The following SYT14 variants were observed in gnomAD, a reference collection of about 807,000 sequenced individuals.
SYT14 encodes synaptotagmin-14.
A neutral mutation model predicts 74.2 loss-of-function variants in SYT14; 32 were observed. The ratio of observed to expected loss-of-function variants is 0.43; its 90% CI spans 0.33 to 0.58. SYT14 has a LOEUF of 0.58. Among genes scored for constraint, SYT14 ranks in the 20% least tolerant of loss-of-function variants. SYT14 has a pLI of 0.05. For missense variants in SYT14, 791 were observed against 981.8 expected, an observed-to-expected ratio of 0.81 and a Z score of 2.60; for synonymous variants, 298 against 337.7, an observed-to-expected ratio of 0.88 and a Z score of 1.29.
intron 7 of SYT14, among the ~76,000 whole-genome samples, chr1:210,116,958 T>C (rs2102598517): frequency 6.6e-6 from 1 of 152,296 alleles, no homozygotes; most frequent in East Asian, 1.9e-4. Flanking sequence ...TTTTATAACC[T>C]GGAATGCAAT....
intron 7 of SYT14, among the ~76,000 whole-genome samples, chr1:210,136,929 C>A (rs879444662): frequency 1.3e-5 from 2 of 152,000 alleles, no homozygotes; most frequent in African/African-American, 4.8e-5. Flanking sequence ...AATCTGTGAG[C>A]CAGGTGGAAT....
intron 2 of SYT14, among the ~76,000 whole-genome samples, chr1:209,974,002 A>G (rs1309944333): frequency 6.6e-6 from 1 of 151,148 alleles, no homozygotes; most frequent in Non-Finnish European, 1.5e-5. Flanking sequence ...GGCTGCATAA[A>G]TGTCTTCTTT....
intron 5 of SYT14, among the ~76,000 whole-genome samples, chr1:210,050,692 G>A (rs227174): frequency 0.34 from 52,150 of 152,048 alleles, 9,915 homozygotes; most frequent in Non-Finnish European, 0.42. Context: ...TGAAAGGCAC[G>A]TCTCACATGG....
At chr1:210,160,831 C>G in exon 10 of SYT14, 1 of 1,614,026 alleles carries the variant, frequency 6.2e-7, no homozygotes, top group Non-Finnish European at 8.5e-7. Context: ...TATAAGGAAA[C>G]TTTTGTCTTT....
At chr1:210,106,320 C>T (rs1204992662) in intron 7 of SYT14, among the ~76,000 whole-genome samples, 1 of 152,208 alleles carries the variant, frequency 6.6e-6, no homozygotes, top group Non-Finnish European at 1.5e-5. Flanking sequence ...AATAGTCCCT[C>T]AGAGTTGTCC....
intron 2 of SYT14, among the ~76,000 whole-genome samples, chr1:209,986,096 AG>A (rs2079565503): frequency 1.3e-5 from 2 of 152,180 alleles, no homozygotes; most frequent in African/African-American, 4.8e-5. Context: ...AAATTTCTCT[AG>A]GAAGTGGTTG....
At chr1:210,055,691 C>T (rs1435185062) in intron 5 of SYT14, among the ~76,000 whole-genome samples, 9 of 150,380 alleles carry the variant, frequency 6.0e-5, no homozygotes, top group Non-Finnish European at 1.0e-4. Flanking sequence ...GGTATGGTGG[C>T]GTGCTTGGGA....
intron 2 of SYT14, among the ~76,000 whole-genome samples, chr1:209,955,904 A>C (rs957536169): frequency 2.6e-5 from 4 of 152,196 alleles, no homozygotes; most frequent in African/African-American, 9.6e-5. Flanking sequence ...GCATTTCTTC[A>C]AATCTCATTT....
intron 2 of SYT14, among the ~76,000 whole-genome samples, chr1:209,958,068 T>A (rs1428841647): frequency 1.3e-5 from 2 of 152,048 alleles, no homozygotes; most frequent in Admixed American, 6.6e-5. Context: ...ATATTTATGT[T>A]ATTAATCCAT....
chr1:210,039,648 T>C (rs1257372250), intron 5 of SYT14, among the ~76,000 whole-genome samples: 2 of 152,172 alleles, frequency 1.3e-5, no homozygotes, highest in African/African-American at 4.8e-5. Context: ...GACAAAGGAC[T>C]AATATCCAGA....
At chr1:210,018,678 A>G (rs2080237942) in intron 4 of SYT14, among the ~76,000 whole-genome samples, 1 of 152,220 alleles carries the variant, frequency 6.6e-6, no homozygotes, top group Non-Finnish European at 1.5e-5. Flanking sequence ...GAAACCAAAT[A>G]TTTCTAACAT....
intron 5 of SYT14, among the ~76,000 whole-genome samples, chr1:210,072,882 A>C (rs2081420033): frequency 6.6e-6 from 1 of 151,984 alleles, no homozygotes; most frequent in South Asian, 2.1e-4. Flanking sequence ...TAAATTAGCA[A>C]AACAGGATTC....
chr1:209,958,959 G>A (rs1347514946), intron 2 of SYT14, among the ~76,000 whole-genome samples: 1 of 151,998 alleles, frequency 6.6e-6, no homozygotes, highest in African/African-American at 2.4e-5. Context: ...CCCATCTATT[G>A]CTGGGAATGT....
At chr1:210,165,963 A>G (rs2083451193) in exon 10 of SYT14, 1 of 152,220 alleles carries the variant, frequency 6.6e-6, no homozygotes. Context: ...CAGAGATAAT[A>G]AATTGGTCGA....
At chr1:210,077,083 A>C (rs756413719) in intron 5 of SYT14, among the ~76,000 whole-genome samples, 22 of 152,074 alleles carry the variant, frequency 1.4e-4, no homozygotes, top group Non-Finnish European at 3.1e-4. Flanking sequence ...GTAATTTATA[A>C]AGAAATGAGG....
At chr1:210,110,145 A>G (rs2082234648) in intron 7 of SYT14, among the ~76,000 whole-genome samples, 1 of 152,218 alleles carries the variant, frequency 6.6e-6, no homozygotes, top group Non-Finnish European at 1.5e-5. Context: ...GAGGGATAGC[A>G]TTAGGAGAAA....
At chr1:210,096,569 T>C (rs2081970366) in intron 6 of SYT14, among the ~76,000 whole-genome samples, 1 of 152,212 alleles carries the variant, frequency 6.6e-6, no homozygotes, top group African/African-American at 2.4e-5. Flanking sequence ...CACTGTCTTC[T>C]TTTCCATCAG....
At chr1:210,052,227 T>G (rs1049476279) in intron 5 of SYT14, among the ~76,000 whole-genome samples, 4 of 148,706 alleles carry the variant, frequency 2.7e-5, no homozygotes, top group Admixed American at 2.7e-4. Flanking sequence ...AATTTTAGGG[T>G]TTTTTTTTTC....
intron 5 of SYT14, among the ~76,000 whole-genome samples, chr1:210,021,859 T>A (rs1419735071): frequency 6.6e-6 from 1 of 152,230 alleles, no homozygotes; most frequent in African/African-American, 2.4e-5. Flanking sequence ...TCTAACTGAT[T>A]TTGTGTTATG....
Sources: allele counts gnomAD v4.1 joint callset (sites outside exome capture counted in the v4.1 genomes callset), GRCh38; gene constraint gnomAD v4.1.1; transcripts MANE v1.5; gene names NCBI Gene and HGNC (gene_info 2026-07-23, HGNC 2026-07-21).